NKAIN2: variants seen among roughly 807,000 people sequenced by gnomAD.
NKAIN2 encodes sodium/potassium-transporting ATPase subunit beta-1-interacting protein 2.
NKAIN2 carries 14 observed loss-of-function variants against 32.6 expected under a neutral mutation model. The observed-to-expected ratio is 0.43, with a 90% CI of 0.28 to 0.67. The LOEUF is 0.67. Ranked by LOEUF, NKAIN2 falls within the 30% of genes least tolerant of loss-of-function variation. NKAIN2 has a pLI of 0.17. For missense variants in NKAIN2, 198 were observed against 258.3 expected (o/e 0.77, Z 1.60); for synonymous variants, 80 against 87.2 (o/e 0.92, Z 0.46).
chr6:124,355,756 T>C (rs1798942065), intron 3 of NKAIN2, among the ~76,000 whole-genome samples: 1 of 112,904 alleles, frequency 8.9e-6, no homozygotes, highest in African/African-American at 3.8e-5. Context: ...GTTAATGGGC[T>C]TTGGTTGAAT....
At chr6:124,225,632 A>G (rs1026539852) in intron 1 of NKAIN2, among the ~76,000 whole-genome samples, 2 of 151,976 alleles carry the variant, frequency 1.3e-5, no homozygotes, top group African/African-American at 4.8e-5. Flanking sequence ...GTTCAAAATA[A>G]AATTAAATAT....
chr6:124,261,104 A>G (rs192214339), intron 1 of NKAIN2, among the ~76,000 whole-genome samples: 9 of 152,322 alleles, frequency 5.9e-5, no homozygotes, highest in African/African-American at 2.2e-4. Context: ...AGCATAAAAG[A>G]TTGGCTACAG....
At chr6:124,321,761 C>T (rs540232708) in intron 2 of NKAIN2, among the ~76,000 whole-genome samples, 2 of 152,234 alleles carry the variant, frequency 1.3e-5, no homozygotes, top group Admixed American at 6.5e-5. Context: ...GGGGGCCCTC[C>T]TTGCAAATTC....
At chr6:124,464,533 C>A (rs1196586478) in intron 3 of NKAIN2, among the ~76,000 whole-genome samples, 1 of 151,314 alleles carries the variant, frequency 6.6e-6, no homozygotes, top group Admixed American at 6.6e-5. Flanking sequence ...ATATTTATTT[C>A]CAAATTTGCT....
At chr6:124,092,446 C>T (rs921839782) in intron 1 of NKAIN2, among the ~76,000 whole-genome samples, 1 of 151,898 alleles carries the variant, frequency 6.6e-6, no homozygotes, top group Non-Finnish European at 1.5e-5. Flanking sequence ...TCTTTTATAA[C>T]CTCCTTCCTG....
intron 1 of NKAIN2, among the ~76,000 whole-genome samples, chr6:124,044,361 G>C (rs1782023855): frequency 6.6e-6 from 1 of 151,892 alleles, no homozygotes; most frequent in Admixed American, 6.6e-5. Flanking sequence ...ACAGACTTTG[G>C]GTTGGTGTTA....
chr6:124,582,570 GA>G (rs759226885), intron 3 of NKAIN2, among the ~76,000 whole-genome samples: 99 of 151,760 alleles, frequency 6.5e-4, no homozygotes, highest in Non-Finnish European at 1.3e-3. Context: ...AAAGTATTCT[GA>G]AAAAAATAGA....
intron 1 of NKAIN2, among the ~76,000 whole-genome samples, chr6:123,929,051 A>C (rs972228291): frequency 6.6e-6 from 1 of 152,176 alleles, no homozygotes; most frequent in Non-Finnish European, 1.5e-5. Flanking sequence ...CCTATGTTAG[A>C]AATTAGGATT....
Position 123,970,075 on chromosome 6 carries a change from G to A in NKAIN2, c.54+165821G>A, listed in dbSNP as rs534786029. Among the ~76,000 whole-genome samples, 243 of 150,380 alleles carry A rather than the reference G, an allele frequency of 1.6e-3. 10 individuals carry two copies. In the South Asian group the frequency reaches 0.036, roughly 22 times the overall value. On this transcript the variant is annotated intron_variant, in intron 1 of 6. Coordinates refer to ENST00000368417, the MANE Select transcript of NKAIN2 (RefSeq NM_001040214.3). Reference sequence around the variant, plus strand: ...AATTGTACAATATTATACTACTCATGTCATTAAAACACACAAAATACTGAT... The same window carrying A: ...AATTGTACAATATTATACTACTCATATCATTAAAACACACAAAATACTGAT...
chr6:124,775,973 G>A (rs1418097998), intron 4 of NKAIN2, among the ~76,000 whole-genome samples: 1 of 152,158 alleles, frequency 6.6e-6, no homozygotes, highest in African/African-American at 2.4e-5. Flanking sequence ...CAGCATAAGA[G>A]GATCTGGTAA....
chr6:123,910,499 G>GTTTTTTTTTTTTGTTTTTTTT lies in NKAIN2; in HGVS notation c.54+106257_54+106258insGTTTTTTTTTTTTTTTTTTTT, dbSNP rs1775118616. ...TTTGAGGACATTACCTGCAATGCAT[G>GTTTTTTTTTTTTGTTTTTTTT]TTTTTTTTTTTTTTTTTTTTTTTGA... On this transcript the variant is annotated intron_variant, in intron 1 of 6. Coordinates refer to ENST00000368417, the MANE Select transcript of NKAIN2 (RefSeq NM_001040214.3). 6.6e-4 allele frequency among the ~76,000 whole-genome samples: 54 copies of GTTTTTTTTTTTTGTTTTTTTT among 81,328 alleles called. 1 individual carries two copies. Among genetic ancestry groups the GTTTTTTTTTTTTGTTTTTTTT allele is most frequent in the African/African-American group, 2.6e-3 (52 of 19,936 alleles). 53.4% of individuals were successfully genotyped at this position (81,328 alleles called of 152,430 possible).
chr6:124,398,145 C>A (rs916953534), intron 3 of NKAIN2, among the ~76,000 whole-genome samples: 2 of 147,184 alleles, frequency 1.4e-5, no homozygotes, highest in African/African-American at 5.0e-5. Context: ...CCCAGCTACT[C>A]GGGAGGCTGA....
chr6:124,192,745 T>TG (rs1291745034), intron 1 of NKAIN2, among the ~76,000 whole-genome samples: 5 of 129,300 alleles, frequency 3.9e-5, no homozygotes, highest in African/African-American at 1.5e-4. Context: ...CCATCCGTTT[T>TG]TTTTTTTTTT....
intron 3 of NKAIN2, among the ~76,000 whole-genome samples, chr6:124,651,583 A>G (rs1784370208): frequency 6.6e-6 from 1 of 152,166 alleles, no homozygotes; most frequent in Non-Finnish European, 1.5e-5. Flanking sequence ...GCCCTCAGGA[A>G]CAGTGGCCCG....
At chr6:124,723,079 T>C (rs1295764483) in intron 4 of NKAIN2, among the ~76,000 whole-genome samples, 2 of 152,104 alleles carry the variant, frequency 1.3e-5, no homozygotes, top group Admixed American at 6.5e-5. Flanking sequence ...ACCTACCATA[T>C]TGGATGGATA....
chr6:124,245,510 A>AC (rs1793350040), intron 1 of NKAIN2, among the ~76,000 whole-genome samples: 6 of 152,102 alleles, frequency 3.9e-5, no homozygotes, highest in Non-Finnish European at 8.8e-5. Flanking sequence ...TCATTTGCTA[A>AC]GAAAAAAAAT....
chr6:124,530,239 A>G (rs563083711), intron 3 of NKAIN2, among the ~76,000 whole-genome samples: 2 of 152,344 alleles, frequency 1.3e-5, no homozygotes, highest in East Asian at 1.9e-4. Context: ...CATATTTTCT[A>G]TATGTGTTAT....
intron 1 of NKAIN2, among the ~76,000 whole-genome samples, chr6:124,262,106 G>A (rs557068815): frequency 6.6e-6 from 1 of 152,188 alleles, no homozygotes; most frequent in African/African-American, 2.4e-5. Context: ...ACAGACGTTA[G>A]TTGTTCCATA....
At chr6:124,807,986 T>A (rs1780673633) in intron 5 of NKAIN2, among the ~76,000 whole-genome samples, 2 of 148,502 alleles carry the variant, frequency 1.3e-5, no homozygotes, top group South Asian at 4.7e-4. Flanking sequence ...ATTGTGGCAA[T>A]AATCAATAGC....
Sources: allele counts gnomAD v4.1 joint callset (sites outside exome capture counted in the v4.1 genomes callset), GRCh38; gene constraint gnomAD v4.1.1; transcripts MANE v1.5; gene names NCBI Gene and HGNC (gene_info 2026-07-23, HGNC 2026-07-21).